Variants in GABRG1 observed in about 807,000 individuals in gnomAD.
GABRG1 encodes the protein gamma-aminobutyric acid receptor subunit gamma-1.
GABRG1 carries 49 observed loss-of-function variants against 49.8 expected under a neutral mutation model. The ratio of observed to expected loss-of-function variants is 0.98; its 90% CI spans 0.78 to 1.25. GABRG1 has a LOEUF of 1.25. Ranked by LOEUF, GABRG1 falls within the 50% of genes most tolerant of loss-of-function variation. The pLI, the probability that GABRG1 is intolerant of heterozygous loss-of-function variation, is 0.00. For missense variants in GABRG1, 552 were observed against 552.3 expected (o/e 1.00, Z 0.01); for synonymous variants, 232 against 185.1 (o/e 1.25, Z -2.06).
intron 2 of GABRG1, among the ~76,000 whole-genome samples, chr4:46,091,503 A>G (rs561932890): frequency 6.6e-6 from 1 of 152,250 alleles, no homozygotes; most frequent in Admixed American, 6.5e-5. Flanking sequence ...CAAAGATTTT[A>G]AAATAACTTC....
At chr4:46,041,616 T>C (rs1340505921) in intron 8 of GABRG1, among the ~76,000 whole-genome samples, 1 of 151,966 alleles carries the variant, frequency 6.6e-6, no homozygotes. Flanking sequence ...TTTTTGCTAT[T>C]ATATATTATT....
At chr4:46,082,860 C>A (rs1361432750) in intron 3 of GABRG1, among the ~76,000 whole-genome samples, 2 of 151,758 alleles carry the variant, frequency 1.3e-5, no homozygotes, top group African/African-American at 2.4e-5. Context: ...TCTCATTACA[C>A]CATCTGGTCC....
chr4:46,096,206 T>A (rs1364903649), intron 2 of GABRG1, among the ~76,000 whole-genome samples: 1 of 151,520 alleles, frequency 6.6e-6, no homozygotes, highest in Non-Finnish European at 1.5e-5. Context: ...GCAGAAAATA[T>A]ATAATTAAAA....
At chr4:46,086,021 A>G (rs992966943) in intron 2 of GABRG1, among the ~76,000 whole-genome samples, 19 of 151,708 alleles carry the variant, frequency 1.3e-4, no homozygotes, top group African/African-American at 4.6e-4. Flanking sequence ...CTTTTTTGCA[A>G]TAGCATAACA....
At chr4:46,042,634 T>C (rs189457327) in intron 8 of GABRG1, among the ~76,000 whole-genome samples, 8 of 152,142 alleles carry the variant, frequency 5.3e-5, no homozygotes, top group Admixed American at 5.2e-4. Flanking sequence ...TACAAATGTA[T>C]ACAAAAGTTT....
intron 3 of GABRG1, among the ~76,000 whole-genome samples, chr4:46,067,950 C>T (rs1331279425): frequency 6.6e-6 from 1 of 152,126 alleles, no homozygotes; most frequent in African/African-American, 2.4e-5. Context: ...TGGACAACTT[C>T]ACTGAAGTTA....
intron 1 of GABRG1, among the ~76,000 whole-genome samples, chr4:46,121,302 G>A (rs1205476774): frequency 6.6e-6 from 1 of 151,784 alleles, no homozygotes; most frequent in Non-Finnish European, 1.5e-5. Flanking sequence ...CCAAAAGAAA[G>A]GGAAAGGGAG....
rs1368452505 is a variant in GABRG1, at chr4:46,065,507, A to C, written c.399T>G (p.Leu133=). The C allele has an allele frequency of 6.2e-7, 1 of 1,610,604 alleles. No homozygotes were observed. The highest frequency in any genetic ancestry group is 8.5e-7 in the Non-Finnish European group (1 of 1,177,110). ...TTCCAACCATATTACTGTTAAGCAT[A>C]AGCACTTTCATGGTACTATTGAATT... ...RLKFNSTMKV[L]MLNSNMVGKI... The change falls in exon 4 of 9, where the codon CTT becomes CTG. Residue 133 remains leucine (L), a synonymous_variant. Coordinates refer to ENST00000295452, the MANE Select transcript of GABRG1 (RefSeq NM_173536.4).
chr4:46,100,942 T>A (rs1560370810), intron 1 of GABRG1, among the ~76,000 whole-genome samples: 2 of 151,510 alleles, frequency 1.3e-5, no homozygotes, highest in Admixed American at 6.6e-5. Flanking sequence ...CTATCTAAGT[T>A]ATGCTCAGAA....
chr4:46,094,265 A>G (rs995509028), intron 2 of GABRG1, among the ~76,000 whole-genome samples: 4 of 152,016 alleles, frequency 2.6e-5, no homozygotes, highest in Non-Finnish European at 5.9e-5. Flanking sequence ...ACACTTCAAA[A>G]TGACTGTAAA....
At chr4:46,091,291 T>C (rs1719981273) in intron 2 of GABRG1, among the ~76,000 whole-genome samples, 1 of 152,038 alleles carries the variant, frequency 6.6e-6, no homozygotes, top group Non-Finnish European at 1.5e-5. Flanking sequence ...TTACTCAACC[T>C]GACTATCGAA....
intron 2 of GABRG1, among the ~76,000 whole-genome samples, chr4:46,084,379 G>T (rs555798715): frequency 6.6e-6 from 1 of 151,576 alleles, no homozygotes; most frequent in South Asian, 2.1e-4. Flanking sequence ...TTTCCTATAT[G>T]ACCGAGTACT....
rs569870972 is a variant in GABRG1, at chr4:46,061,080, TAAC to T, written c.626-2461_626-2459del. Among the ~76,000 whole-genome samples, 1,218 of 152,256 alleles carry T rather than the reference TAAC, an allele frequency of 8.0e-3. 5 individuals are homozygous for T. Among genetic ancestry groups the T allele is most frequent in the Middle Eastern group, 0.041 (12 of 294 alleles). The stretch of plus-strand genomic sequence containing the variant: ...ACAAAGATAAATGATTAATTACTAT[TAAC>T]AACAATCAAAACCAGAGAGCTATCA... On this transcript the variant is annotated intron_variant, in intron 5 of 8. Coordinates refer to ENST00000295452, the MANE Select transcript of GABRG1 (RefSeq NM_173536.4).
rs148965622 is a variant in GABRG1, at chr4:46,072,439, G to A, written c.322-6855C>T. 8.2e-4 allele frequency among the ~76,000 whole-genome samples: 124 copies of A among 152,120 alleles called. 1 individual carries two copies. Among genetic ancestry groups the A allele is most frequent in the African/African-American group, 2.7e-3 (112 of 41,546 alleles). On this transcript the variant is annotated intron_variant, in intron 3 of 8. Coordinates refer to ENST00000295452, the MANE Select transcript of GABRG1 (RefSeq NM_173536.4). ...GAATAGACACCCATGGATTGAGAAC[G>A]CTTTTATAAAAATTATCCATGTGTT...
Position 46,123,821 on chromosome 4 carries a change from A to T in GABRG1, c.93T>A (p.His31Gln). 6.2e-7 allele frequency: 1 copy of T among 1,613,104 alleles called. No individual in the cohort carries two copies. Among genetic ancestry groups the T allele is most frequent in the Non-Finnish European group, 8.5e-7 (1 of 1,179,228 alleles). The change falls in exon 1 of 9, where the codon CAT (histidine) becomes CAA (glutamine). Residue 31 changes from histidine (H) to glutamine (Q), a missense_variant. Physicochemically the swap from His to Gln is conservative, Grantham distance 24. Coordinates refer to ENST00000295452, the MANE Select transcript of GABRG1 (RefSeq NM_173536.4). Reference protein sequence around the residue: ...VRLVFLLLTLHLGNCVDKADD... With the variant: ...VRLVFLLLTLQLGNCVDKADD... ...CTGAATTTACTCACCAGTTTCCCAA[A>T]TGCAGGGTCAGTAACAAGAAGACCA...
At chr4:46,068,876 A>G (rs906365727) in intron 3 of GABRG1, among the ~76,000 whole-genome samples, 2 of 152,126 alleles carry the variant, frequency 1.3e-5, no homozygotes, top group African/African-American at 4.8e-5. Context: ...AAAATACAAG[A>G]GTTTCTAAGA....
At chr4:46,064,584 C>A (rs1256636048) in intron 4 of GABRG1, 61 bp from the exon 5 acceptor site, 6 of 819,936 alleles carry the variant, frequency 7.3e-6, no homozygotes, top group Non-Finnish European at 9.3e-6. Context: ...TTAAAAATCT[C>A]CTGTCTCATT....
chr4:46,083,782 G>C (rs1246074704), intron 3 of GABRG1, among the ~76,000 whole-genome samples: 2 of 151,290 alleles, frequency 1.3e-5, no homozygotes, highest in Non-Finnish European at 3.0e-5. Context: ...ACCAAACACA[G>C]CACATTGGAA....
intron 3 of GABRG1, among the ~76,000 whole-genome samples, chr4:46,077,789 CAAAT>C (rs759992453): frequency 1.3e-5 from 2 of 151,126 alleles, no homozygotes; most frequent in East Asian, 1.9e-4. Flanking sequence ...ATATGACAGA[CAAAT>C]AAAACAATGA....
Sources: gnomAD v4.1 joint callset for allele counts (sites outside exome capture counted in the v4.1 genomes callset) on GRCh38, gnomAD v4.1.1 for gene constraint, MANE v1.5 for transcripts, NCBI Gene and HGNC (gene_info 2026-07-23, HGNC 2026-07-21) for gene names.